The following EYS variants were observed in gnomAD, a reference collection of about 807,000 sequenced individuals.
The protein encoded by EYS is EGF-like photoreceptor maintenance factor.
Under a neutral mutation model 282.1 loss-of-function variants are expected in EYS, and 250 were observed. That is an observed-to-expected ratio of 0.89 (90% CI 0.80 to 0.98). The LOEUF (loss-of-function observed/expected upper bound fraction) is 0.98. EYS is among the 50% of genes least tolerant of loss of function. The pLI is 0.00. For synonymous variants in EYS, 1,355 were observed against 1,282.9 expected (o/e 1.06, Z -1.20); for missense variants, 4,016 against 3,709.0 (o/e 1.08, Z -2.15).
chr6:64,182,908 C>T (rs922531896), intron 31 of EYS, among the ~76,000 whole-genome samples: 7 of 152,084 alleles, frequency 4.6e-5, no homozygotes, highest in African/African-American at 1.7e-4. Context: ...TGGGCCTTGG[C>T]TGACACAGCA....
At chr6:65,223,239 C>G (rs888232051) in intron 12 of EYS, among the ~76,000 whole-genome samples, 2 of 152,042 alleles carry the variant, frequency 1.3e-5, no homozygotes, top group African/African-American at 2.4e-5. Context: ...TGGTGGTAGG[C>G]GTCTGTAATC....
intron 22 of EYS, among the ~76,000 whole-genome samples, chr6:64,759,418 T>G (rs1254982165): frequency 6.6e-6 from 1 of 152,178 alleles, no homozygotes; most frequent in African/African-American, 2.4e-5. Context: ...TAATTTTACT[T>G]GAAAGTAATT....
At chr6:64,819,915 A>C (rs1764849702) in intron 21 of EYS, among the ~76,000 whole-genome samples, 1 of 152,102 alleles carries the variant, frequency 6.6e-6, no homozygotes, top group Admixed American at 6.6e-5. Flanking sequence ...CAAGGCACAA[A>C]GAACTACAAA....
chr6:64,373,707 G>T (rs1772466216), intron 29 of EYS, among the ~76,000 whole-genome samples: 1 of 152,190 alleles, frequency 6.6e-6, no homozygotes, highest in South Asian at 2.1e-4. Flanking sequence ...CAGCAGGAGG[G>T]GTGGGTAGAG....
intron 22 of EYS, among the ~76,000 whole-genome samples, chr6:64,692,805 T>A (rs1770434690): frequency 6.6e-6 from 1 of 151,974 alleles, no homozygotes; most frequent in Admixed American, 6.6e-5. Flanking sequence ...GTTGATAAGT[T>A]GGTGGCTTTA....
At chr6:64,509,984 A>T (rs1777333046) in intron 26 of EYS, among the ~76,000 whole-genome samples, 2 of 152,090 alleles carry the variant, frequency 1.3e-5, no homozygotes, top group African/African-American at 4.8e-5. Context: ...TATTGATTTT[A>T]TTATTTTGTT....
At position 65,384,387 on chromosome 6, in the gene EYS, T is replaced by C. The variant is rs1361667383; in HGVS notation, c.1298A>G (p.Lys433Arg). Reference sequence around the variant, plus strand: ...GTTGCCATGTATTAAATTACTTACTTTGAATCTTCCAATTATATTGAAACA... The same window carrying C: ...GTTGCCATGTATTAAATTACTTACTCTGAATCTTCCAATTATATTGAAACA... ...EWCFNIIGRF[K>R]YVCIPGCTKN... The change falls in exon 8 of 43, where the codon AAA (lysine) becomes AGA (arginine). Residue 433 changes from lysine to arginine, a missense_variant and splice_region_variant. Physicochemically the swap from Lys to Arg is conservative, Grantham distance 26. Transcript: ENST00000503581. 3.2e-6 allele frequency: 5 copies of C among 1,571,890 alleles called. No individual in the cohort carries two copies. The highest frequency in any genetic ancestry group is 4.4e-6 in the Non-Finnish European group (5 of 1,144,554).
chr6:65,537,795 G>A (rs2127317169), intron 2 of EYS, among the ~76,000 whole-genome samples: 1 of 152,264 alleles, frequency 6.6e-6, no homozygotes, highest in Non-Finnish European at 1.5e-5. Context: ...TGGGACAGCT[G>A]GAGAAACAGA....
chr6:64,168,840 A>C (rs1412972026), intron 31 of EYS, among the ~76,000 whole-genome samples: 3 of 152,210 alleles, frequency 2.0e-5, no homozygotes, highest in African/African-American at 7.2e-5. Flanking sequence ...TGCACAAGGC[A>C]GTAAATTTAC....
At chr6:64,318,698 A>T (rs1243130643) in intron 29 of EYS, among the ~76,000 whole-genome samples, 3 of 151,636 alleles carry the variant, frequency 2.0e-5, no homozygotes, top group Non-Finnish European at 4.4e-5. Context: ...TTTTATTTTT[A>T]TTTATTTATT....
chr6:65,024,611 T>C (rs1425343832), intron 13 of EYS, among the ~76,000 whole-genome samples: 2 of 129,998 alleles, frequency 1.5e-5, no homozygotes, highest in Non-Finnish European at 3.2e-5. Context: ...GGCATTTTCA[T>C]ATATAAATAA....
intron 15 of EYS, among the ~76,000 whole-genome samples, chr6:64,934,553 A>T (rs1768839351): frequency 1.3e-5 from 2 of 151,916 alleles, no homozygotes; most frequent in South Asian, 4.1e-4. Context: ...CATAAGAATA[A>T]CAATTGACTT....
intron 31 of EYS, among the ~76,000 whole-genome samples, chr6:64,133,140 T>TAAA (rs540682557): frequency 6.6e-6 from 1 of 152,154 alleles, no homozygotes; most frequent in African/African-American, 2.4e-5. Flanking sequence ...GTATTTTTTG[T>TAAA]AACAAAAAAG....
chr6:65,393,534 TATA>T (rs1454782690), intron 7 of EYS, among the ~76,000 whole-genome samples: 4 of 152,162 alleles, frequency 2.6e-5, no homozygotes, highest in Non-Finnish European at 5.9e-5. Flanking sequence ...AATAAGAAAA[TATA>T]ATTTTATTAT....
At chr6:65,440,317 T>C (rs908683202) in intron 5 of EYS, among the ~76,000 whole-genome samples, 3 of 151,784 alleles carry the variant, frequency 2.0e-5, no homozygotes, top group Non-Finnish European at 1.5e-5. Context: ...CAATACCATA[T>C]GTCTACTTGA....
intron 14 of EYS, among the ~76,000 whole-genome samples, chr6:64,967,706 G>C (rs1366148512): frequency 6.6e-6 from 1 of 151,980 alleles, no homozygotes; most frequent in Admixed American, 6.6e-5. Flanking sequence ...TTACAAATCT[G>C]TACTATAAAA....
intron 5 of EYS, among the ~76,000 whole-genome samples, chr6:65,443,142 T>C (rs987393535): frequency 1.3e-5 from 2 of 151,596 alleles, no homozygotes; most frequent in Admixed American, 6.6e-5. Context: ...CATACATATA[T>C]GTACACATCA....
chr6:65,147,050 C>T lies in EYS; in HGVS notation c.2024-89323G>A, dbSNP rs546518388. On this transcript the variant is annotated intron_variant, in intron 12 of 42. Coordinates refer to ENST00000503581, the MANE Select transcript of EYS (RefSeq NM_001142800.2). ...ACTTTTTGTATGGATTTCTTCTTTG[C>T]TCTAAAAATTACCTAACAGTATGTT... 7.3e-4 allele frequency among the ~76,000 whole-genome samples: 111 copies of T among 151,998 alleles called. 2 individuals are homozygous for T. Among genetic ancestry groups the T allele is most frequent in the Non-Finnish European group, 1.4e-3 (97 of 67,898 alleles).
intron 36 of EYS, among the ~76,000 whole-genome samples, chr6:63,849,228 G>A (rs1385583494): frequency 1.3e-5 from 2 of 152,202 alleles, no homozygotes; most frequent in Non-Finnish European, 2.9e-5. Context: ...CTGGGACAGA[G>A]CACCTGGGGA....
Sources: allele counts gnomAD v4.1 joint callset (sites outside exome capture counted in the v4.1 genomes callset), GRCh38; gene constraint gnomAD v4.1.1; transcripts MANE v1.5; gene names NCBI Gene and HGNC (gene_info 2026-07-23, HGNC 2026-07-21).